Variants in PIEZO2 observed in about 807,000 individuals in gnomAD.
The protein encoded by PIEZO2 is piezo-type mechanosensitive ion channel component 2.
Under a neutral mutation model 337.3 loss-of-function variants are expected in PIEZO2, and 172 were observed. The ratio of observed to expected loss-of-function variants is 0.51; its 90% CI spans 0.45 to 0.58. PIEZO2 has a LOEUF of 0.58. Among genes scored for constraint, PIEZO2 ranks in the 20% least tolerant of loss-of-function variants. The pLI is 0.00. For synonymous variants in PIEZO2, 1,251 were observed against 1,228.5 expected (o/e 1.02, Z -0.38); for missense variants, 3,028 against 3,391.3 (o/e 0.89, Z 2.66).
chr18:10,723,187 A>G (rs1236939777), intron 36 of PIEZO2, among the ~76,000 whole-genome samples: 1 of 151,830 alleles, frequency 6.6e-6, no homozygotes, highest in Non-Finnish European at 1.5e-5. Context: ...GGCTTGTCTC[A>G]AACTCCCGAC....
chr18:10,696,205 C>T lies in PIEZO2; in HGVS notation c.7059G>A (p.Gln2353=). 6.2e-7 allele frequency: 1 copy of T among 1,614,142 alleles called. No homozygotes were observed. The highest frequency in any genetic ancestry group is 8.5e-7 in the Non-Finnish European group (1 of 1,179,950). Residue 2353 remains glutamine (Q), a synonymous_variant, in exon 47 of 56, where the codon CAG becomes CAA. Transcript: ENST00000674853. ...PGPFLVMVLI[Q]FGTMVVDRAL... is the part of the protein sequence containing the mutation. The stretch of plus-strand genomic sequence containing the variant: ...CTCGGTCCACCACCATGGTTCCAAA[C>T]TGAATGAGGACCATCACCAAAAACG...
At chr18:11,087,841 G>C (rs1338200127) in intron 1 of PIEZO2, among the ~76,000 whole-genome samples, 1 of 152,260 alleles carries the variant, frequency 6.6e-6, no homozygotes, top group African/African-American at 2.4e-5. Context: ...GCTGAGCACG[G>C]TGCCTGCCTT....
chr18:10,734,094 T>G (rs1431846166), intron 35 of PIEZO2, among the ~76,000 whole-genome samples: 1 of 152,214 alleles, frequency 6.6e-6, no homozygotes, highest in Non-Finnish European at 1.5e-5. Context: ...TCTAGCACCT[T>G]CTTTATGTTG....
chr18:10,728,152 A>G (rs1598407095), intron 36 of PIEZO2: 1 of 152,666 alleles, frequency 6.6e-6, no homozygotes, highest in Admixed American at 6.5e-5. Flanking sequence ...ATTCAACTAC[A>G]TTCAAATGAA....
At chr18:11,108,207 C>T (rs2039625625) in intron 1 of PIEZO2, among the ~76,000 whole-genome samples, 1 of 152,122 alleles carries the variant, frequency 6.6e-6, no homozygotes, top group Non-Finnish European at 1.5e-5. Flanking sequence ...CAAATTAAAA[C>T]GCTTGGTATT....
At chr18:10,753,672 C>A (rs562691774) in intron 27 of PIEZO2, among the ~76,000 whole-genome samples, 14 of 152,244 alleles carry the variant, frequency 9.2e-5, no homozygotes, top group African/African-American at 3.1e-4. Flanking sequence ...TGGATTAATT[C>A]TTTGATTAAT....
In PIEZO2 at chr18:10,770,196, G is replaced by A; in HGVS notation, c.2898C>T (p.His966=). ...TGTAAGAGGAAACGATTTTGATGAT[G>A]TGCAACTCCAAAATCCACCACATGA... ...QVFMWWILEL[H]IIKIVSSYII... The change falls in exon 21 of 56, where the codon CAC becomes CAT. Residue 966 remains histidine (H), a synonymous_variant. Transcript: ENST00000674853. 6.5e-7 allele frequency: 1 copy of A among 1,537,298 alleles called. No individual in the cohort carries two copies. The highest frequency in any genetic ancestry group is 1.2e-5 in the South Asian group (1 of 84,050).
At chr18:10,801,343 T>C in intron 10 of PIEZO2, 47 bp downstream of exon 10, 1 of 1,422,244 alleles carries the variant, frequency 7.0e-7, no homozygotes, top group Non-Finnish European at 9.5e-7. Context: ...TTGTTGCCTT[T>C]ACATCACTTA....
intron 45 of PIEZO2, 139 bp downstream of exon 45, chr18:10,697,609 G>A (rs2035151848): frequency 2.7e-6 from 3 of 1,108,536 alleles, no homozygotes; most frequent in Non-Finnish European, 2.5e-6. Context: ...GACAAAAAGG[G>A]GTAATTTCAT....
chr18:10,780,981 A>C (rs921108256), intron 17 of PIEZO2, among the ~76,000 whole-genome samples: 4 of 152,040 alleles, frequency 2.6e-5, no homozygotes, highest in African/African-American at 9.6e-5. Flanking sequence ...CATTTTATGA[A>C]ATAAAATATA....
Position 11,031,467 on chromosome 18 carries a change from GGTTTA to G in PIEZO2, c.160+34655_160+34659del, listed in dbSNP as rs1489824117. On this transcript the variant is annotated intron_variant, in intron 2 of 55. Coordinates refer to ENST00000674853, the MANE Select transcript of PIEZO2 (RefSeq NM_001378183.1). This position sits in a 1 kb window ranked among gnomAD's most constrained non-coding sequence, Gnocchi z 4.7. The stretch of plus-strand genomic sequence containing the variant: ...AACACTACTAGAGTGTTTTCATTTT[GGTTTA>G]GTTATTTCTTCAAAATAGCTGAATT... Among the ~76,000 whole-genome samples, 2 of 151,854 alleles carry G rather than the reference GGTTTA, an allele frequency of 1.3e-5. No individual in the cohort carries two copies. Among genetic ancestry groups the G allele is most frequent in the African/African-American group, 4.8e-5 (2 of 41,356 alleles).
chr18:10,989,272 A>G (rs1392951234), intron 2 of PIEZO2, among the ~76,000 whole-genome samples: 2 of 152,120 alleles, frequency 1.3e-5, no homozygotes, highest in South Asian at 4.1e-4. Flanking sequence ...AATCAGTTTT[A>G]AAAAGAAAAC....
At chr18:10,814,092 C>T (rs1441700339) in intron 7 of PIEZO2, among the ~76,000 whole-genome samples, 2 of 152,066 alleles carry the variant, frequency 1.3e-5, no homozygotes, top group Non-Finnish European at 1.5e-5. Flanking sequence ...CTCAGCCTCC[C>T]AAGTAGCTGG....
Position 10,726,440 on chromosome 18 carries a change from G to T in PIEZO2, c.5029+4967C>A. ...ACGCGGAGGGCCGGCTGCGGTACGGGCTACGGCCGGCGAACCCCACGAGGA... is the reference window on the plus strand; with the variant it reads ...ACGCGGAGGGCCGGCTGCGGTACGGTCTACGGCCGGCGAACCCCACGAGGA... On this transcript the variant is annotated intron_variant, in intron 36 of 55. Transcript: ENST00000674853. The surrounding 1 kb of genome is among the most constrained non-coding windows in gnomAD (Gnocchi z 5.9). The T allele has an allele frequency of 6.5e-7, 1 of 1,530,004 alleles. No homozygotes were observed. The highest frequency in any genetic ancestry group is 1.2e-5 in the South Asian group (1 of 83,264). The allele number at this position is 1,530,004 out of a possible 1,614,324, so 94.8% of individuals were successfully genotyped here. A position where few individuals can be genotyped will look rare whatever the true frequency, so the allele number is the denominator to read the frequency against.
intron 47 of PIEZO2, among the ~76,000 whole-genome samples, chr18:10,694,591 G>A (rs1167499546): frequency 6.6e-6 from 1 of 152,196 alleles, no homozygotes; most frequent in Admixed American, 6.5e-5. Context: ...AGCACTTTGG[G>A]AGGCCCAGGC....
chr18:10,728,984 A>T (rs898597244), intron 36 of PIEZO2, among the ~76,000 whole-genome samples: 1 of 136,016 alleles, frequency 7.4e-6, no homozygotes, highest in Admixed American at 7.5e-5. Flanking sequence ...ACAAAAACCA[A>T]TAAAGGAAAC....
At position 10,726,646 on chromosome 18, in the gene PIEZO2, A is replaced by C; in HGVS notation, c.5029+4761T>G. ...GCGCTGGGAGTACTGCGCGCGCGCC[A>C]AGCGCGGCCAGACAGACACCTCGCT... On this transcript the variant is annotated intron_variant, in intron 36 of 55. Transcript: ENST00000674853. This position sits in a 1 kb window ranked among gnomAD's most constrained non-coding sequence, Gnocchi z 5.9. 1 of 1,412,610 alleles carries C rather than the reference A, an allele frequency of 7.1e-7. No individual in the cohort carries two copies. Among genetic ancestry groups the C allele is most frequent in the Non-Finnish European group, 9.6e-7 (1 of 1,043,530 alleles). 87.5% of individuals were successfully genotyped at this position (1,412,610 alleles called of 1,614,324 possible).
intron 3 of PIEZO2, among the ~76,000 whole-genome samples, chr18:10,917,060 C>T (rs2031034581): frequency 6.6e-6 from 1 of 152,126 alleles, no homozygotes; most frequent in South Asian, 2.1e-4. Flanking sequence ...TGAGAATTCT[C>T]CTGTGTTGAT....
intron 52 of PIEZO2, among the ~76,000 whole-genome samples, 181 bp downstream of exon 52, chr18:10,680,018 T>C (rs1307910254): frequency 6.6e-6 from 1 of 152,208 alleles, no homozygotes; most frequent in East Asian, 1.9e-4. Context: ...GGCAAGTCAT[T>C]ATTTAATACA....
Sources: allele counts gnomAD v4.1 joint callset (sites outside exome capture counted in the v4.1 genomes callset), GRCh38; gene constraint gnomAD v4.1.1; non-coding constraint Gnocchi (gnomAD v3.1); transcripts MANE v1.5; gene names NCBI Gene and HGNC (gene_info 2026-07-23, HGNC 2026-07-21).